The following PTPRM variants were observed in gnomAD, a reference collection of about 807,000 sequenced individuals.
PTPRM encodes the protein receptor-type tyrosine-protein phosphatase mu.
Under a neutral mutation model 186.7 loss-of-function variants are expected in PTPRM, and 47 were observed. That is an observed-to-expected ratio of 0.25 (90% CI 0.20 to 0.32). The LOEUF (loss-of-function observed/expected upper bound fraction) is 0.32, where lower values mean the gene tolerates loss of function less well. Ranked by LOEUF, PTPRM falls within the 10% of genes least tolerant of loss-of-function variation. The pLI, the probability that PTPRM is intolerant of heterozygous loss-of-function variation, is 1.00. For missense variants in PTPRM, 1,494 were observed against 1,865.0 expected (o/e 0.80, Z 3.66); for synonymous variants, 668 against 674.9 (o/e 0.99, Z 0.16).
chr18:8,389,172 G>T (rs1335658580), intron 31 of PTPRM, among the ~76,000 whole-genome samples: 7 of 152,056 alleles, frequency 4.6e-5, no homozygotes, highest in African/African-American at 7.2e-5. Flanking sequence ...CTAAAAATAG[G>T]TTGCAGTTAC....
chr18:7,681,867 G>A (rs2039489737), intron 1 of PTPRM, among the ~76,000 whole-genome samples: 1 of 152,184 alleles, frequency 6.6e-6, no homozygotes, highest in African/African-American at 2.4e-5. Context: ...GCCCCTGGAA[G>A]TCCCCAGAGG....
At chr18:7,705,810 C>T (rs1003570516) in intron 1 of PTPRM, among the ~76,000 whole-genome samples, 1 of 151,762 alleles carries the variant, frequency 6.6e-6, no homozygotes, top group Non-Finnish European at 1.5e-5. Context: ...CCTCCTGCCT[C>T]AGCCTCCTGA....
intron 5 of PTPRM, among the ~76,000 whole-genome samples, chr18:7,937,662 T>G (rs2051908029): frequency 6.6e-6 from 1 of 152,242 alleles, no homozygotes; most frequent in Non-Finnish European, 1.5e-5. Flanking sequence ...CATAACATTA[T>G]CAGCCATTGA....
intron 1 of PTPRM, among the ~76,000 whole-genome samples, chr18:7,711,231 C>T (rs889337184): frequency 5.3e-5 from 8 of 152,160 alleles, no homozygotes; most frequent in Admixed American, 2.6e-4. Flanking sequence ...CTCAAGGGGT[C>T]GGGGAACTCC....
In PTPRM at chr18:8,110,093, A is replaced by T. The variant is rs112606725; in HGVS notation, c.1857-3393A>T. ...TCCTGGTACATAGAATGTGTAATAT[A>T]CCCCCAAACCAAATAGAAGCAACTT... On this transcript the variant is annotated intron_variant, in intron 11 of 32. Transcript: ENST00000580170. Among the ~76,000 whole-genome samples, 642 of 152,200 alleles carry T rather than the reference A, an allele frequency of 4.2e-3. 6 individuals carry two copies. Among genetic ancestry groups the T allele is most frequent in the African/African-American group, 0.015 (615 of 41,524 alleles).
intron 23 of PTPRM, among the ~76,000 whole-genome samples, chr18:8,348,638 G>A (rs536530644): frequency 1.4e-4 from 21 of 152,258 alleles, no homozygotes; most frequent in African/African-American, 4.8e-4. Context: ...CATTTACACC[G>A]TTTGTGTGGA....
chr18:8,352,863 G>T (rs1399959511), intron 23 of PTPRM, among the ~76,000 whole-genome samples: 2 of 151,860 alleles, frequency 1.3e-5, no homozygotes, highest in East Asian at 1.9e-4. Context: ...ATAGAGATGG[G>T]GTTTCACCAT....
At chr18:8,118,546 T>A (rs2092043368) in intron 13 of PTPRM, among the ~76,000 whole-genome samples, 1 of 152,140 alleles carries the variant, frequency 6.6e-6, no homozygotes, top group Admixed American at 6.6e-5. Context: ...ACGCCTGTAA[T>A]CCCAGCACTT....
chr18:7,902,768 G>A (rs552514373), intron 3 of PTPRM, among the ~76,000 whole-genome samples: 7 of 151,152 alleles, frequency 4.6e-5, no homozygotes, highest in East Asian at 3.9e-4. Context: ...ATTCTGTGAC[G>A]CGATGGATGA....
intron 1 of PTPRM, among the ~76,000 whole-genome samples, chr18:7,686,907 C>G (rs934617538): frequency 2.0e-5 from 3 of 152,092 alleles, no homozygotes; most frequent in Admixed American, 1.3e-4. Flanking sequence ...AAAAAAGAGG[C>G]CAAAGTTAAT....
intron 1 of PTPRM, among the ~76,000 whole-genome samples, chr18:7,759,537 A>G (rs1177604108): frequency 6.6e-6 from 1 of 152,222 alleles, no homozygotes; most frequent in Non-Finnish European, 1.5e-5. Flanking sequence ...CAGGCATATT[A>G]TGAAGTCATT....
intron 31 of PTPRM, among the ~76,000 whole-genome samples, chr18:8,390,528 C>T (rs1199078894): frequency 1.3e-5 from 2 of 152,182 alleles, no homozygotes; most frequent in Admixed American, 1.3e-4. Flanking sequence ...TGACAAAGGA[C>T]TCGGCCACAA....
At chr18:8,344,358 C>T (rs111226418) in intron 23 of PTPRM, among the ~76,000 whole-genome samples, 3 of 151,088 alleles carry the variant, frequency 2.0e-5, no homozygotes, top group African/African-American at 4.9e-5. Flanking sequence ...ACAATTCTCT[C>T]ATAATGAGAA....
intron 2 of PTPRM, among the ~76,000 whole-genome samples, chr18:7,865,559 T>G (rs2047641808): frequency 6.6e-6 from 1 of 152,204 alleles, no homozygotes; most frequent in South Asian, 2.1e-4. Context: ...TGGATAAGCT[T>G]TTTGATGTGC....
At chr18:7,817,689 G>T (rs1468869182) in intron 2 of PTPRM, among the ~76,000 whole-genome samples, 1 of 152,150 alleles carries the variant, frequency 6.6e-6, no homozygotes, top group Non-Finnish European at 1.5e-5. Flanking sequence ...GTTCTGTTTT[G>T]CTGTAACAGT....
chr18:7,901,668 C>A (rs538915494), intron 3 of PTPRM, among the ~76,000 whole-genome samples: 17 of 152,214 alleles, frequency 1.1e-4, no homozygotes, highest in Admixed American at 1.0e-3. Flanking sequence ...CTGGCCTGAG[C>A]TGCATGTTTT....
chr18:8,026,640 T>C lies in PTPRM; in HGVS notation c.1133-43046T>C, dbSNP rs545449382. Among the ~76,000 whole-genome samples the C allele has an allele frequency of 7.9e-5, 12 of 152,284 alleles. No individual in the cohort carries two copies. In the East Asian group the frequency reaches 2.3e-3, roughly 29 times the overall value. On this transcript the variant is annotated intron_variant, in intron 7 of 32. Coordinates refer to ENST00000580170, the MANE Select transcript of PTPRM (RefSeq NM_001105244.2). ...TGGAGGCCAAAGTGGGTGGATCACT[T>C]GAGGTCAGGAGTTCAAGACCAGCCT...
At chr18:7,604,313 G>A (rs1436104518) in intron 1 of PTPRM, among the ~76,000 whole-genome samples, 1 of 152,220 alleles carries the variant, frequency 6.6e-6, no homozygotes, top group Admixed American at 6.5e-5. Flanking sequence ...GCCAGATGCA[G>A]GAGGTAAGGC....
intron 1 of PTPRM, among the ~76,000 whole-genome samples, chr18:7,618,666 T>C (rs1367105879): frequency 2.0e-5 from 3 of 152,210 alleles, no homozygotes; most frequent in African/African-American, 7.2e-5. Context: ...TTTCATAGTT[T>C]GTACCCTTTG....
Sources: allele counts gnomAD v4.1 joint callset (sites outside exome capture counted in the v4.1 genomes callset), GRCh38; gene constraint gnomAD v4.1.1; transcripts MANE v1.5; gene names NCBI Gene and HGNC (gene_info 2026-07-23, HGNC 2026-07-21).